The following NOL4 variants were observed in gnomAD, a reference collection of about 807,000 sequenced individuals.
NOL4 encodes the protein nucleolar protein 4.
NOL4 carries 17 observed loss-of-function variants against 75.9 expected under a neutral mutation model. The ratio of observed to expected loss-of-function variants is 0.22; its 90% CI spans 0.15 to 0.34. The LOEUF is 0.34. NOL4 is among the 10% of genes least tolerant of loss of function. NOL4 has a pLI of 1.00. For synonymous variants in NOL4, 292 were observed against 289.9 expected (o/e 1.01, Z -0.07); for missense variants, 614 against 793.5 (o/e 0.77, Z 2.72).
At chr18:34,027,375 G>T (rs2075399639) in intron 5 of NOL4, among the ~76,000 whole-genome samples, 2 of 152,154 alleles carry the variant, frequency 1.3e-5, no homozygotes, top group African/African-American at 2.4e-5. Context: ...ATAATTGTTG[G>T]GGGTTAATGT....
chr18:34,036,839 G>A (rs1315221402), intron 5 of NOL4, among the ~76,000 whole-genome samples: 1 of 152,160 alleles, frequency 6.6e-6, no homozygotes, highest in Non-Finnish European at 1.5e-5. Flanking sequence ...GGCTGAGGCA[G>A]GAGAATCGCT....
intron 9 of NOL4, among the ~76,000 whole-genome samples, chr18:33,934,257 T>C (rs1385775910): frequency 6.6e-6 from 1 of 152,132 alleles, no homozygotes; most frequent in African/African-American, 2.4e-5. Flanking sequence ...GTTTCATTTA[T>C]GGAACACAGG....
At chr18:33,967,961 C>A (rs1279076770) in intron 6 of NOL4, among the ~76,000 whole-genome samples, 2 of 152,200 alleles carry the variant, frequency 1.3e-5, no homozygotes, top group Non-Finnish European at 2.9e-5. Flanking sequence ...TGGCGGGCAC[C>A]TCTAGTCCCA....
At chr18:33,988,808 G>A (rs986149349) in intron 6 of NOL4, among the ~76,000 whole-genome samples, 2 of 151,870 alleles carry the variant, frequency 1.3e-5, no homozygotes, top group African/African-American at 2.4e-5. Flanking sequence ...AAAAGGCCTT[G>A]AAAGCCTCTA....
chr18:33,992,864 T>G (rs536874910), intron 6 of NOL4, among the ~76,000 whole-genome samples: 1 of 152,094 alleles, frequency 6.6e-6, no homozygotes, highest in East Asian at 1.9e-4. Context: ...CTCCGGAGAC[T>G]TTGCCTGGGA....
At chr18:33,927,751 A>C (rs1338475947) in intron 9 of NOL4, among the ~76,000 whole-genome samples, 1 of 152,198 alleles carries the variant, frequency 6.6e-6, no homozygotes, top group African/African-American at 2.4e-5. Flanking sequence ...TTAAATCAGT[A>C]ATCTCCAGCT....
chr18:33,928,546 G>T (rs887200457), intron 9 of NOL4, among the ~76,000 whole-genome samples: 1 of 151,920 alleles, frequency 6.6e-6, no homozygotes, highest in Non-Finnish European at 1.5e-5. Flanking sequence ...CCATGACGAG[G>T]GAAGCCATCT....
In NOL4 at chr18:34,121,312, G is replaced by A. The variant is rs140620184; in HGVS notation, c.414+8559C>T. On this transcript the variant is annotated intron_variant, in intron 2 of 10. Coordinates refer to ENST00000261592, the MANE Select transcript of NOL4 (RefSeq NM_003787.5). ...AATATGATACATTTATATTTCCCTTGGGCCCTAGGGGAGAACCACAAAGAA... is the reference window on the plus strand; with the variant it reads ...AATATGATACATTTATATTTCCCTTAGGCCCTAGGGGAGAACCACAAAGAA... 3.9e-5 allele frequency: 6 copies of A among 152,146 alleles called. No individual in the cohort carries two copies. In the East Asian group the frequency reaches 1.2e-3, roughly 29 times the overall value. 9.4% of individuals were successfully genotyped at this position (152,146 alleles called of 1,614,324 possible).
intron 10 of NOL4, among the ~76,000 whole-genome samples, chr18:33,872,694 T>C (rs1234672946): frequency 3.3e-5 from 5 of 152,004 alleles, no homozygotes; most frequent in East Asian, 1.9e-4. Context: ...ATTTTGCCTA[T>C]TGAAAACTTG....
intron 1 of NOL4, among the ~76,000 whole-genome samples, chr18:34,220,096 T>C (rs1413663544): frequency 6.6e-6 from 1 of 152,224 alleles, no homozygotes; most frequent in African/African-American, 2.4e-5. Context: ...TGGAAAGCTA[T>C]ATTTCTTTTG....
At chr18:33,985,544 A>T (rs188355651) in intron 6 of NOL4, among the ~76,000 whole-genome samples, 1 of 152,216 alleles carries the variant, frequency 6.6e-6, no homozygotes, top group African/African-American at 2.4e-5. Context: ...TCACGGTTAG[A>T]CCTGATCCTC....
intron 5 of NOL4, among the ~76,000 whole-genome samples, chr18:34,081,625 A>G (rs2078015917): frequency 6.6e-6 from 1 of 152,170 alleles, no homozygotes; most frequent in Non-Finnish European, 1.5e-5. Context: ...ACATGAGTGG[A>G]TGGTCATGAA....
At chr18:34,102,963 A>G (rs998038540) in intron 4 of NOL4, among the ~76,000 whole-genome samples, 4 of 152,000 alleles carry the variant, frequency 2.6e-5, no homozygotes, top group Admixed American at 1.3e-4. Flanking sequence ...GAATTTTTGT[A>G]TGGAGTATAC....
intron 8 of NOL4, among the ~76,000 whole-genome samples, chr18:33,956,062 C>T (rs2145717489): frequency 6.6e-6 from 1 of 152,138 alleles, no homozygotes; most frequent in Non-Finnish European, 1.5e-5. Flanking sequence ...AAACAGAAAT[C>T]ATGTCACCTA....
intron 9 of NOL4, among the ~76,000 whole-genome samples, chr18:33,904,412 C>A (rs1454202846): frequency 1.3e-5 from 2 of 151,878 alleles, no homozygotes; most frequent in African/African-American, 4.8e-5. Context: ...CAGAAAAAAA[C>A]CTTAAAAACT....
chr18:34,177,824 G>A (rs1443406631), intron 1 of NOL4, among the ~76,000 whole-genome samples: 1 of 151,782 alleles, frequency 6.6e-6, no homozygotes. Flanking sequence ...CAAAGAATTT[G>A]TCACTAGCAT....
intron 1 of NOL4, among the ~76,000 whole-genome samples, chr18:34,161,420 C>T (rs1473714104): frequency 6.6e-6 from 1 of 152,070 alleles, no homozygotes; most frequent in Admixed American, 6.5e-5. Flanking sequence ...TCCCACCAAC[C>T]TTGTATAATA....
intron 1 of NOL4, among the ~76,000 whole-genome samples, chr18:34,217,793 T>C (rs2037014618): frequency 6.6e-6 from 1 of 152,102 alleles, no homozygotes; most frequent in African/African-American, 2.4e-5. Context: ...TGCATATGCA[T>C]ATATAGTATA....
chr18:34,079,994 G>A (rs1388475960), intron 5 of NOL4, among the ~76,000 whole-genome samples: 2 of 152,244 alleles, frequency 1.3e-5, no homozygotes, highest in Non-Finnish European at 2.9e-5. Flanking sequence ...GCTTAAAGGA[G>A]ATGTGGTAAG....
Sources: gnomAD v4.1 joint callset for allele counts (sites outside exome capture counted in the v4.1 genomes callset) on GRCh38, gnomAD v4.1.1 for gene constraint, MANE v1.5 for transcripts, NCBI Gene and HGNC (gene_info 2026-07-23, HGNC 2026-07-21) for gene names.